Variants in GRAMD1B observed in about 807,000 individuals in gnomAD.
The protein encoded by GRAMD1B is GRAM domain containing 1B.
In GRAMD1B, 37 loss-of-function variants were observed where a neutral mutation model predicts 99.7. The ratio of observed to expected loss-of-function variants is 0.37; its 90% CI spans 0.29 to 0.49. The LOEUF is 0.49. Among genes scored for constraint, GRAMD1B ranks in the 20% least tolerant of loss-of-function variants. The pLI, the probability that GRAMD1B is intolerant of heterozygous loss-of-function variation, is 0.98. For missense variants in GRAMD1B, 888 were observed against 1,009.2 expected (o/e 0.88, Z 1.63); for synonymous variants, 427 against 387.6 (o/e 1.10, Z -1.19).
intron 11 of GRAMD1B, 133 bp downstream of exon 11, chr11:123,606,931 G>C: frequency 1.5e-6 from 1 of 645,648 alleles, no homozygotes; most frequent in South Asian, 2.0e-5. Flanking sequence ...CTTAACAAAA[G>C]GTACCTGTTA....
chr11:123,556,643 A>G (rs954719411), intron 2 of GRAMD1B, among the ~76,000 whole-genome samples: 1 of 152,238 alleles, frequency 6.6e-6, no homozygotes, highest in South Asian at 2.1e-4. Context: ...TCTGAAGGAA[A>G]GGTTTAATTC....
intron 2 of GRAMD1B, among the ~76,000 whole-genome samples, chr11:123,489,470 A>G (rs1373202736): frequency 2.6e-5 from 4 of 152,222 alleles, no homozygotes; most frequent in Non-Finnish European, 4.4e-5. Flanking sequence ...GGAAGGAAGA[A>G]TTTTAAAAGA....
At chr11:123,551,968 A>C (rs1474341342) in intron 2 of GRAMD1B, among the ~76,000 whole-genome samples, 2 of 152,156 alleles carry the variant, frequency 1.3e-5, no homozygotes, top group African/African-American at 4.8e-5. Flanking sequence ...TAGAATCATG[A>C]CTACAGATTA....
At chr11:123,453,875 A>T (rs1046117463) in intron 1 of GRAMD1B, among the ~76,000 whole-genome samples, 1 of 152,220 alleles carries the variant, frequency 6.6e-6, no homozygotes, top group Non-Finnish European at 1.5e-5. Flanking sequence ...CCAGGTCGCT[A>T]CTGATTGTGA....
rs978707112 is a variant in GRAMD1B at position 123,627,765 on chromosome 11, C to T, written c.*5170C>T. 5.9e-5 allele frequency: 9 copies of T among 152,218 alleles called. No individual in the cohort carries two copies. The highest frequency in any genetic ancestry group is 1.3e-4 in the Non-Finnish European group (9 of 68,048). 9.4% of individuals were successfully genotyped at this position (152,218 alleles called of 1,614,324 possible). ...TTAAAAAGAAAAAAGTATTGAACTA[C>T]AATAATAAATGGTGTGCGTGTTTAT... On this transcript the variant is annotated 3_prime_UTR_variant, in exon 20 of 20. Transcript: ENST00000635736.
intron 7 of GRAMD1B, chr11:123,599,320 C>A: frequency 5.7e-6 from 4 of 707,218 alleles, no homozygotes; most frequent in Non-Finnish European, 1.1e-5. Context: ...TCTTGCGTGG[C>A]CCGAGTGCAG....
intron 1 of GRAMD1B, among the ~76,000 whole-genome samples, chr11:123,455,882 CA>C (rs1950092905): frequency 6.6e-6 from 1 of 152,102 alleles, no homozygotes; most frequent in Admixed American, 6.6e-5. Context: ...AGAAAACACT[CA>C]ACCAGGCCGG....
At chr11:123,541,493 GTTA>G (rs1163644921) in intron 2 of GRAMD1B, among the ~76,000 whole-genome samples, 1 of 147,816 alleles carries the variant, frequency 6.8e-6, no homozygotes, top group Non-Finnish European at 1.5e-5. Flanking sequence ...TTGGTAACAT[GTTA>G]TTAATTTTCA....
intron 2 of GRAMD1B, among the ~76,000 whole-genome samples, chr11:123,547,085 A>G (rs1426338888): frequency 6.6e-6 from 1 of 152,108 alleles, no homozygotes; most frequent in South Asian, 2.1e-4. Context: ...TTCCTTTCCT[A>G]CTTTTATCAC....
Position 123,510,144 on chromosome 11 carries a change from T to G in GRAMD1B, c.452+29251T>G, listed in dbSNP as rs562125624. 5 of 152,596 alleles carry G rather than the reference T, an allele frequency of 3.3e-5. No individual in the cohort carries two copies. The highest frequency in any genetic ancestry group is 1.2e-4 in the African/African-American group (5 of 41,572). 9.5% of individuals were successfully genotyped at this position (152,596 alleles called of 1,614,324 possible). A position where few individuals can be genotyped will look rare whatever the true frequency, so the allele number is the denominator to read the frequency against. On this transcript the variant is annotated intron_variant, in intron 2 of 19. Transcript: ENST00000635736. This position sits in a 1 kb window ranked among gnomAD's most constrained non-coding sequence, Gnocchi z 4.3. ...ACTTCCTTGCACAGCACCTTTCTGC[T>G]TCCAGCTGAGTGCCTGCACCTTCTT...
chr11:123,519,433 G>A (rs1358121372), intron 2 of GRAMD1B, among the ~76,000 whole-genome samples: 1 of 152,200 alleles, frequency 6.6e-6, no homozygotes, highest in Non-Finnish European at 1.5e-5. Context: ...ACTAGAAAGA[G>A]GCTTGTTGTG....
rs1047929446 is a variant in GRAMD1B at position 123,624,956 on chromosome 11, T to G, written c.*2361T>G. On this transcript the variant is annotated 3_prime_UTR_variant, in exon 20 of 20. Coordinates refer to ENST00000635736, the MANE Select transcript of GRAMD1B (RefSeq NM_001387025.1). The stretch of plus-strand genomic sequence containing the variant: ...AGTATGTCAGAAGAGCCCTCCTGGT[T>G]TTTTAGCGATTTGAACCCACTAGAC... The G allele has an allele frequency of 2.6e-5, 4 of 152,058 alleles. No individual in the cohort carries two copies. The highest frequency in any genetic ancestry group is 4.8e-5 in the African/African-American group (2 of 41,402). The allele number at this position is 152,058 out of a possible 1,614,324, so 9.4% of individuals were successfully genotyped here. A position where few individuals can be genotyped will look rare whatever the true frequency, so the allele number is the denominator to read the frequency against.
chr11:123,539,931 C>T (rs933885885), intron 2 of GRAMD1B, among the ~76,000 whole-genome samples: 8 of 152,102 alleles, frequency 5.3e-5, no homozygotes, highest in East Asian at 1.9e-4. Flanking sequence ...TTAATTGATC[C>T]GCGAGTAGGA....
At chr11:123,427,314 A>T (rs1358068890), upstream of GRAMD1B, among the ~76,000 whole-genome samples, 1 of 152,206 alleles carries the variant, frequency 6.6e-6, no homozygotes, top group Non-Finnish European at 1.5e-5. Context: ...GTCATTGATT[A>T]GCCATCATCA....
intron 2 of GRAMD1B, among the ~76,000 whole-genome samples, chr11:123,563,374 G>A (rs1228590965): frequency 6.6e-6 from 1 of 152,166 alleles, no homozygotes; most frequent in East Asian, 1.9e-4. Context: ...GTTTAAGGAA[G>A]TAGAATTGTT....
At chr11:123,446,457 C>A (rs1174463094) in intron 1 of GRAMD1B, among the ~76,000 whole-genome samples, 1 of 152,132 alleles carries the variant, frequency 6.6e-6, no homozygotes, top group African/African-American at 2.4e-5. Context: ...TGAGCCACCA[C>A]GCCCAGCCCT....
intron 6 of GRAMD1B, 78 bp from the exon 7 acceptor site, chr11:123,595,864 G>GC: frequency 1.4e-6 from 1 of 723,604 alleles, no homozygotes. Context: ...CTACACTGGC[G>GC]CCCCCTGAAC....
chr11:123,577,573 C>A lies in GRAMD1B; in HGVS notation c.659C>A (p.Ser220Tyr). 6.3e-7 allele frequency: 1 copy of A among 1,579,592 alleles called. No homozygotes were observed. The highest frequency in any genetic ancestry group is 1.2e-5 in the South Asian group (1 of 85,952). The change falls in exon 3 of 20, where the codon TCC becomes TAC. Residue 220 changes from serine (S) to tyrosine (Y), a missense_variant. Transcript: ENST00000635736. ...SQSGRSGGKN[S>Y]KKSQSWYNVL... ...TCCGGCCGGAGCGGCGGCAAGAATT[C>A]CAAGGTGAGCGGGACCCCGTTGAGG...
intron 2 of GRAMD1B, among the ~76,000 whole-genome samples, chr11:123,531,795 G>A (rs151133721): frequency 1.0e-3 from 144 of 142,560 alleles, no homozygotes; most frequent in Non-Finnish European, 1.7e-3. Flanking sequence ...AAGTGCAATG[G>A]TGCGATCTCG....
Sources: gnomAD v4.1 joint callset for allele counts (sites outside exome capture counted in the v4.1 genomes callset) on GRCh38, gnomAD v4.1.1 for gene constraint, Gnocchi (gnomAD v3.1) non-coding constraint, MANE v1.5 for transcripts, NCBI Gene and HGNC (gene_info 2026-07-23, HGNC 2026-07-21) for gene names.